The following ITK variants were observed in gnomAD, a reference collection of about 807,000 sequenced individuals.
The protein encoded by ITK is tyrosine-protein kinase ITK/TSK.
In ITK, 45 loss-of-function variants were observed where a neutral mutation model predicts 87.6. The observed-to-expected ratio is 0.51, with a 90% CI of 0.40 to 0.66. The LOEUF is 0.66. Ranked by LOEUF, ITK falls within the 30% of genes least tolerant of loss-of-function variation. The pLI, the probability that ITK is intolerant of heterozygous loss-of-function variation, is 0.00. For synonymous variants in ITK, 303 were observed against 273.6 expected (o/e 1.11, Z -1.06); for missense variants, 605 against 766.3 (o/e 0.79, Z 2.48).
intron 1 of ITK, among the ~76,000 whole-genome samples, chr5:157,205,481 A>ATTTT (rs1408806799): frequency 6.6e-6 from 1 of 152,272 alleles, no homozygotes; most frequent in East Asian, 1.9e-4. Context: ...CTTTTTTAAA[A>ATTTT]GACATTTGTT....
intron 15 of ITK, 128 bp from the exon 16 acceptor site, chr5:157,248,722 C>A: frequency 1.9e-6 from 2 of 1,055,230 alleles, no homozygotes; most frequent in Non-Finnish European, 2.9e-6. Context: ...CTCAGGTAGA[C>A]TTGATGCACT....
intron 5 of ITK, among the ~76,000 whole-genome samples, chr5:157,220,737 C>T (rs1754397503): frequency 6.6e-6 from 1 of 152,224 alleles, no homozygotes; most frequent in African/African-American, 2.4e-5. Context: ...CCAACCTTAT[C>T]AAACTCAATC....
At chr5:157,229,735 G>A (rs1235299872) in intron 7 of ITK, among the ~76,000 whole-genome samples, 2 of 152,050 alleles carry the variant, frequency 1.3e-5, no homozygotes, top group African/African-American at 4.8e-5. Flanking sequence ...CCAACATGGT[G>A]AAACCACCGT....
intron 7 of ITK, among the ~76,000 whole-genome samples, chr5:157,231,331 C>T (rs535436152): frequency 6.6e-6 from 1 of 152,342 alleles, no homozygotes; most frequent in East Asian, 1.9e-4. Flanking sequence ...GCTATTTACC[C>T]ACCATGCTGG....
intron 15 of ITK, 87 bp downstream of exon 15, chr5:157,246,086 A>G: frequency 1.1e-6 from 1 of 923,094 alleles, no homozygotes; most frequent in Non-Finnish European, 1.8e-6. Flanking sequence ...CCCTACCCAC[A>G]CTGAACCCTG....
At chr5:157,181,423 C>T (rs141062684) in intron 1 of ITK, among the ~76,000 whole-genome samples, 8 of 152,098 alleles carry the variant, frequency 5.3e-5, no homozygotes, top group African/African-American at 1.7e-4. Context: ...TATTATGATT[C>T]GATAAAACTT....
At chr5:157,190,354 G>A (rs1010217567) in intron 1 of ITK, among the ~76,000 whole-genome samples, 2 of 152,100 alleles carry the variant, frequency 1.3e-5, no homozygotes, top group Non-Finnish European at 2.9e-5. Context: ...TCTGTATCAA[G>A]GAAACGTTTC....
chr5:157,217,653 A>G (rs1240284800), intron 4 of ITK, among the ~76,000 whole-genome samples: 1 of 152,198 alleles, frequency 6.6e-6, no homozygotes, highest in Non-Finnish European at 1.5e-5. Flanking sequence ...GTACTAGAAA[A>G]GGGAATCAGA....
intron 5 of ITK, among the ~76,000 whole-genome samples, chr5:157,220,215 G>T (rs1370787361): frequency 6.6e-6 from 1 of 152,184 alleles, no homozygotes; most frequent in East Asian, 1.9e-4. Context: ...TCTGGGGGTT[G>T]GGGGATGGCT....
chr5:157,220,096 G>T (rs967838402), intron 5 of ITK, among the ~76,000 whole-genome samples: 4 of 152,042 alleles, frequency 2.6e-5, no homozygotes, highest in African/African-American at 9.7e-5. Context: ...ATGACATCTC[G>T]GGTTGTCATA....
At chr5:157,196,006 C>G (rs190523907) in intron 1 of ITK, 1 of 152,240 alleles carries the variant, frequency 6.6e-6, no homozygotes. Flanking sequence ...TTGACAAAAC[C>G]TGGGGAAATT....
At chr5:157,197,818 T>G (rs1465539659) in intron 1 of ITK, among the ~76,000 whole-genome samples, 1 of 152,216 alleles carries the variant, frequency 6.6e-6, no homozygotes, top group Non-Finnish European at 1.5e-5. Context: ...GATGGATATT[T>G]AAGTTTTTCC....
At chr5:157,230,054 T>A (rs1000219136) in intron 7 of ITK, among the ~76,000 whole-genome samples, 1 of 152,200 alleles carries the variant, frequency 6.6e-6, no homozygotes, top group Non-Finnish European at 1.5e-5. Context: ...TTGAATAAGA[T>A]CTGCAGTTAA....
intron 8 of ITK, among the ~76,000 whole-genome samples, chr5:157,237,511 A>G (rs1056478478): frequency 6.6e-6 from 1 of 152,258 alleles, no homozygotes; most frequent in Admixed American, 6.5e-5. Flanking sequence ...AAACCTGCAC[A>G]CATACTCCCT....
chr5:157,198,230 A>G (rs1472435519), intron 1 of ITK, among the ~76,000 whole-genome samples: 1 of 152,204 alleles, frequency 6.6e-6, no homozygotes, highest in African/African-American at 2.4e-5. Flanking sequence ...ATGAGAAAAC[A>G]CATTTTAATA....
rs138596619 is a variant in ITK at position 157,206,268 on chromosome 5, G to A, written c.139-2621G>A. ...CCACGCCTGGCTGGATTAGCTTTTC[G>A]ATGTGCTGCTGGATTTGGTTTGCAA... On this transcript the variant is annotated intron_variant, in intron 1 of 16. Coordinates refer to ENST00000422843, the MANE Select transcript of ITK (RefSeq NM_005546.4). 4.7e-3 allele frequency among the ~76,000 whole-genome samples: 721 copies of A among 152,144 alleles called. 9 individuals carry two copies. Among genetic ancestry groups the A allele is most frequent in the African/African-American group, 0.016 (677 of 41,518 alleles).
chr5:157,192,723 C>T (rs1173874773), intron 1 of ITK, among the ~76,000 whole-genome samples: 1 of 152,216 alleles, frequency 6.6e-6, no homozygotes, highest in East Asian at 1.9e-4. Context: ...AGGGAAACTG[C>T]CCAGAACCCT....
intron 2 of ITK, among the ~76,000 whole-genome samples, chr5:157,210,149 C>T (rs1279357878): frequency 6.6e-6 from 1 of 152,142 alleles, no homozygotes; most frequent in Non-Finnish European, 1.5e-5. Context: ...TAGTCTCAAA[C>T]TCCTGACCTC....
At chr5:157,211,146 GAT>G (rs1754183578) in intron 2 of ITK, 139 bp from the exon 3 acceptor site, 10 of 721,812 alleles carry the variant, frequency 1.4e-5, no homozygotes, top group Non-Finnish European at 2.3e-5. Flanking sequence ...GGATAAAAAG[GAT>G]ACTGGCCCCC....
Sources: gnomAD v4.1 joint callset for allele counts (sites outside exome capture counted in the v4.1 genomes callset) on GRCh38, gnomAD v4.1.1 for gene constraint, MANE v1.5 for transcripts, NCBI Gene and HGNC (gene_info 2026-07-23, HGNC 2026-07-21) for gene names.